Variants in PLEKHH2 observed in about 807,000 individuals in gnomAD.
PLEKHH2 encodes the protein pleckstrin homology, MyTH4 and FERM domain containing H2, also known as pleckstrin homology domain-containing family H member 2.
Under a neutral mutation model 187.9 loss-of-function variants are expected in PLEKHH2, and 129 were observed. That is an observed-to-expected ratio of 0.69 (90% CI 0.59 to 0.79). The LOEUF (loss-of-function observed/expected upper bound fraction) is 0.79. Among genes scored for constraint, PLEKHH2 ranks in the 30% least tolerant of loss-of-function variants. The pLI, the probability that PLEKHH2 is intolerant of heterozygous loss-of-function variation, is 0.00. For missense variants in PLEKHH2, 2,076 were observed against 1,751.2 expected (o/e 1.19, Z -3.31); for synonymous variants, 686 against 605.6 (o/e 1.13, Z -1.95).
intron 2 of PLEKHH2, among the ~76,000 whole-genome samples, chr2:43,674,003 G>C (rs1277496945): frequency 6.6e-6 from 1 of 152,226 alleles, no homozygotes; most frequent in Non-Finnish European, 1.5e-5. Context: ...TTATTTGGCA[G>C]TGGTAAAAAT....
intron 27 of PLEKHH2, among the ~76,000 whole-genome samples, chr2:43,762,075 G>A (rs1407021024): frequency 3.9e-5 from 6 of 152,094 alleles, no homozygotes; most frequent in South Asian, 2.1e-4. Flanking sequence ...TTATCCAAAT[G>A]CATACATTAA....
intron 25 of PLEKHH2, among the ~76,000 whole-genome samples, chr2:43,754,186 ACACACACAC>A (rs1672115084): frequency 7.9e-6 from 1 of 126,082 alleles, no homozygotes; most frequent in Non-Finnish European, 1.6e-5. Flanking sequence ...ACACACACAC[ACACACACAC>A]ACACACACAC....
intron 2 of PLEKHH2, chr2:43,676,259 A>C: frequency 6.2e-7 from 1 of 1,613,624 alleles, no homozygotes; most frequent in Non-Finnish European, 8.5e-7. Context: ...ATAGTTATCA[A>C]AACCCAGGAA....
intron 2 of PLEKHH2, among the ~76,000 whole-genome samples, chr2:43,650,781 G>C (rs529836578): frequency 6.6e-6 from 1 of 151,910 alleles, no homozygotes; most frequent in Non-Finnish European, 1.5e-5. Context: ...AAGTAGCTGG[G>C]ACTACAGTCA....
rs1424848650 is a variant in PLEKHH2, at chr2:43,681,403, C to T, written c.186+2478C>T. ...CTGGAAGGTTCTTGTCGACTTTGTT[C>T]TTTCCTTTGTTTTATTAATTGAATG... On this transcript the variant is annotated intron_variant, in intron 3 of 29. Coordinates refer to ENST00000282406, the MANE Select transcript of PLEKHH2 (RefSeq NM_172069.4). The T allele has an allele frequency of 4.5e-6, 7 of 1,550,048 alleles. No homozygotes were observed. The Admixed American group carries it at 1.1e-4, about 25-fold the overall frequency.
At chr2:43,660,555 G>A (rs916159890) in intron 2 of PLEKHH2, among the ~76,000 whole-genome samples, 1 of 145,910 alleles carries the variant, frequency 6.9e-6, no homozygotes, top group African/African-American at 2.6e-5. Flanking sequence ...TGCCATGCTG[G>A]TGCGCTGCAC....
intron 3 of PLEKHH2, among the ~76,000 whole-genome samples, chr2:43,685,638 C>T (rs1572553639): frequency 7.0e-6 from 1 of 142,586 alleles, no homozygotes; most frequent in East Asian, 2.0e-4. Flanking sequence ...GACGATGTCT[C>T]ACCACATTAC....
At position 43,676,175 on chromosome 2, in the gene PLEKHH2, T is replaced by C. The variant is rs149507132; in HGVS notation, c.124-2688T>C. Reference sequence around the variant, plus strand: ...TTTGAAGTGTTTAAGAAATCGTTCCTGTTAGGTGGACGAAGGTGATGGTGC... The same window carrying C: ...TTTGAAGTGTTTAAGAAATCGTTCCCGTTAGGTGGACGAAGGTGATGGTGC... On this transcript the variant is annotated intron_variant, in intron 2 of 29. Coordinates refer to ENST00000282406, the MANE Select transcript of PLEKHH2 (RefSeq NM_172069.4). 648 of 1,614,032 alleles carry C rather than the reference T, an allele frequency of 4.0e-4. 3 individuals carry two copies. In the African/African-American group the frequency reaches 8.0e-3, roughly 20 times the overall value.
At chr2:43,675,805 A>G (rs747787122) in intron 2 of PLEKHH2, 8 of 1,613,802 alleles carry the variant, frequency 5.0e-6, no homozygotes, top group East Asian at 2.2e-5. Context: ...GAGGTCTCCA[A>G]ATATAACAGT....
chr2:43,713,775 C>T (rs1483925882), intron 15 of PLEKHH2, among the ~76,000 whole-genome samples: 1 of 151,538 alleles, frequency 6.6e-6, no homozygotes, highest in Non-Finnish European at 1.5e-5. Context: ...CACATAATCA[C>T]TCCTCATTCA....
At chr2:43,722,342 G>A (rs1670522756) in intron 16 of PLEKHH2, among the ~76,000 whole-genome samples, 1 of 151,910 alleles carries the variant, frequency 6.6e-6, no homozygotes, top group Non-Finnish European at 1.5e-5. Flanking sequence ...TTTTAGAAAA[G>A]TTGTATGGGA....
At chr2:43,709,950 G>T (rs376080533) in intron 11 of PLEKHH2, 40 bp from the exon 12 acceptor site, 2 of 1,564,916 alleles carry the variant, frequency 1.3e-6, no homozygotes, top group Middle Eastern at 3.7e-4. Flanking sequence ...GCCCTCCCCA[G>T]TATTAAATAC....
chr2:43,705,910 A>C (rs2104504183), intron 9 of PLEKHH2, among the ~76,000 whole-genome samples: 1 of 152,272 alleles, frequency 6.6e-6, no homozygotes, highest in East Asian at 1.9e-4. Flanking sequence ...GCCCCACCAG[A>C]ACAGTGGTTT....
chr2:43,716,776 T>C (rs1670232219), intron 15 of PLEKHH2, among the ~76,000 whole-genome samples: 1 of 152,236 alleles, frequency 6.6e-6, no homozygotes, highest in African/African-American at 2.4e-5. Flanking sequence ...TAATGTTTTA[T>C]TATGGGCATT....
chr2:43,700,645 T>G, intron 8 of PLEKHH2, 37 bp downstream of exon 8: 1 of 1,553,868 alleles, frequency 6.4e-7, no homozygotes, highest in Non-Finnish European at 8.6e-7. Context: ...TACGCAGTAG[T>G]TTTTTTCTCA....
chr2:43,648,061 A>G (rs1666268703), intron 2 of PLEKHH2, among the ~76,000 whole-genome samples: 1 of 152,210 alleles, frequency 6.6e-6, no homozygotes, highest in African/African-American at 2.4e-5. Context: ...AATATCACAC[A>G]GCTAACAAAA....
rs113676571 is a variant in PLEKHH2, at chr2:43,699,307, A to G, written c.689-340A>G. ...TTTTATATAAAGCTTATAGTTTTCAAAAACTTGTGTTTAAAAAAGACATAA... is the reference window on the plus strand; with the variant it reads ...TTTTATATAAAGCTTATAGTTTTCAGAAACTTGTGTTTAAAAAAGACATAA... On this transcript the variant is annotated intron_variant, in intron 7 of 29. Transcript: ENST00000282406. 1.0e-3 allele frequency among the ~76,000 whole-genome samples: 157 copies of G among 152,332 alleles called. 1 individual carries two copies. The highest frequency in any genetic ancestry group is 0.01 in the Middle Eastern group (3 of 294).
At chr2:43,655,815 G>T (rs553025784) in intron 2 of PLEKHH2, among the ~76,000 whole-genome samples, 1 of 152,270 alleles carries the variant, frequency 6.6e-6, no homozygotes, top group East Asian at 1.9e-4. Flanking sequence ...TGCAACAGCA[G>T]CAGACTTTTA....
chr2:43,703,303 C>T (rs1055541023), intron 8 of PLEKHH2, among the ~76,000 whole-genome samples: 1 of 152,130 alleles, frequency 6.6e-6, no homozygotes, highest in African/African-American at 2.4e-5. Flanking sequence ...CTGTCCAGTA[C>T]CTGTTTCAGA....
Sources: allele counts gnomAD v4.1 joint callset (sites outside exome capture counted in the v4.1 genomes callset), GRCh38; gene constraint gnomAD v4.1.1; transcripts MANE v1.5; gene names NCBI Gene and HGNC (gene_info 2026-07-23, HGNC 2026-07-21).